The following BIRC7 variants were observed in gnomAD, a reference collection of about 807,000 sequenced individuals.
BIRC7 encodes baculoviral IAP repeat-containing protein 7.
BIRC7 carries 26 observed loss-of-function variants against 33.2 expected under a neutral mutation model. That is an observed-to-expected ratio of 0.78 (90% CI 0.57 to 1.09). BIRC7 has a LOEUF of 1.09. Among genes scored for constraint, BIRC7 ranks in the 50% least tolerant of loss-of-function variants. The probability of loss-of-function intolerance (pLI) is 0.00; values close to 1 mark genes in which losing one functional copy is unlikely to be tolerated. For synonymous variants in BIRC7, 176 were observed against 171.0 expected (o/e 1.03, Z -0.23); for missense variants, 409 against 401.2 (o/e 1.02, Z -0.17).
chr20:63,237,854 C>G, intron 1 of BIRC7, 49 bp from the exon 2 acceptor site: 1 of 1,515,142 alleles, frequency 6.6e-7, no homozygotes, highest in Non-Finnish European at 8.9e-7. Flanking sequence ...ACCGGGGGCC[C>G]GGGGACTGGG....
chr20:63,238,042 G>A (rs1476545830), intron 2 of BIRC7, 40 bp downstream of exon 2: 9 of 1,506,644 alleles, frequency 6.0e-6, no homozygotes, highest in African/African-American at 4.2e-5. Flanking sequence ...CTGATCATGG[G>A]TAGGGGGTGG....
Position 63,239,626 on chromosome 20 carries a change from C to T in BIRC7, c.*5+16C>T. The T allele has an allele frequency of 3.2e-6, 5 of 1,576,890 alleles. No homozygotes were observed. Among genetic ancestry groups the T allele is most frequent in the Non-Finnish European group, 4.3e-6 (5 of 1,166,496 alleles). On this transcript the variant is annotated intron_variant, in intron 6 of 6. Transcript: ENST00000217169. ...CCTAGGCCAGGTGAGCGCCCCAGCA[C>T]CACGCGCAGCCAGCCCTCCTGCGGA...
intron 1 of BIRC7, among the ~76,000 whole-genome samples, chr20:63,237,134 G>C (rs1344200533): frequency 1.3e-5 from 2 of 152,224 alleles, no homozygotes; most frequent in Non-Finnish European, 2.9e-5. Flanking sequence ...TCAGCAGTGG[G>C]CTCTGGCGGG....
intron 2 of BIRC7, 115 bp from the exon 3 acceptor site, chr20:63,238,281 G>T: frequency 7.8e-7 from 1 of 1,281,248 alleles, no homozygotes; most frequent in East Asian, 2.4e-5. Flanking sequence ...CCATGCCCAC[G>T]GGCACTGCAG....
At chr20:63,239,265 G>A (rs1311365472) in intron 5 of BIRC7, 32 bp downstream of exon 5, 3 of 1,610,224 alleles carry the variant, frequency 1.9e-6, no homozygotes, top group Non-Finnish European at 2.5e-6. Flanking sequence ...GGTGAGGGCT[G>A]GGGCAGGGGA....
chr20:63,238,697 C>A, intron 4 of BIRC7, 83 bp downstream of exon 4: 1 of 1,539,652 alleles, frequency 6.5e-7, no homozygotes. Context: ...CCCCACCCTC[C>A]CAGACAGCAG....
At chr20:63,238,508 T>C (rs1223432224) in intron 3 of BIRC7, 31 bp downstream of exon 3, 3 of 1,612,834 alleles carry the variant, frequency 1.9e-6, no homozygotes, top group Non-Finnish European at 2.5e-6. Context: ...GGGCTCCGGG[T>C]GGCAGTGGGG....
In BIRC7 at chr20:63,237,961, C is replaced by T. The variant is rs139260685; in HGVS notation, c.408C>T (p.Arg136=). 44 of 1,608,800 alleles carry T rather than the reference C, an allele frequency of 2.7e-5. No homozygotes were observed. The highest frequency in any genetic ancestry group is 9.9e-5 in the South Asian group (9 of 90,538). ...FCYGGLQSWK[R]GDDPWTEHAK... is the part of the protein sequence containing the mutation. ...ATGGGGGCCTGCAGAGCTGGAAGCGCGGGGACGACCCCTGGACGGAGCATG... is the reference window on the plus strand; with the variant it reads ...ATGGGGGCCTGCAGAGCTGGAAGCGTGGGGACGACCCCTGGACGGAGCATG... The change falls in exon 2 of 7, where the codon CGC becomes CGT. Residue 136 remains arginine (R), a synonymous_variant. Transcript: ENST00000217169.
At chr20:63,239,656 G>A (rs746028949) in intron 6 of BIRC7, 46 bp downstream of exon 6, 2 of 1,543,088 alleles carry the variant, frequency 1.3e-6, no homozygotes, top group South Asian at 1.2e-5. Context: ...TGCGGAGGGG[G>A]CCCTGAGCCG....
chr20:63,238,948 TG>T (rs1333586577), intron 4 of BIRC7: 2 of 640,722 alleles, frequency 3.1e-6, no homozygotes, highest in Non-Finnish European at 5.4e-6. Flanking sequence ...CAGAGGGCAT[TG>T]GACAAGGGAC....
Position 63,239,159 on chromosome 20 carries a change from C to T in BIRC7, c.578-3C>T, listed in dbSNP as rs1454142755. On this transcript the variant is annotated splice_region_variant and splice_polypyrimidine_tract_variant and intron_variant, in intron 4 of 6. Transcript: ENST00000217169. ...GCCTCAAGTCTATCCTAACTGTCCA[C>T]AGTCCCTGCCTCTGGGTACCCTGAG... The T allele has an allele frequency of 6.2e-7, 1 of 1,612,244 alleles. No homozygotes were observed. Among genetic ancestry groups the T allele is most frequent in the Non-Finnish European group, 8.5e-7 (1 of 1,179,774 alleles).
chr20:63,236,036 C>G lies in BIRC7; in HGVS notation c.-61C>G, dbSNP rs2066685595. 1 of 1,467,860 alleles carries G rather than the reference C, an allele frequency of 6.8e-7. No individual in the cohort carries two copies. Among genetic ancestry groups the G allele is most frequent in the Non-Finnish European group, 9.1e-7 (1 of 1,098,426 alleles). 90.9% of individuals were successfully genotyped at this position (1,467,860 alleles called of 1,614,324 possible). Reference sequence around the variant, plus strand: ...TCCAGAAGGGCCAGCTGGGCATATTCTGAGATTGGCCATCAGCCCCCATTT... The same window carrying G: ...TCCAGAAGGGCCAGCTGGGCATATTGTGAGATTGGCCATCAGCCCCCATTT... On this transcript the variant is annotated 5_prime_UTR_variant, in exon 1 of 7. Coordinates refer to ENST00000217169, the MANE Select transcript of BIRC7 (RefSeq NM_139317.3).
At chr20:63,237,470 C>T (rs6122404) in intron 1 of BIRC7, among the ~76,000 whole-genome samples, 3 of 152,132 alleles carry the variant, frequency 2.0e-5, no homozygotes, top group Non-Finnish European at 4.4e-5. Flanking sequence ...GCATGAGTTC[C>T]TAAAAGCAAG....
At chr20:63,236,480 G>A (rs747118580) in intron 1 of BIRC7, 35 bp downstream of exon 1, 165 of 1,502,874 alleles carry the variant, frequency 1.1e-4, no homozygotes, top group Admixed American at 1.8e-4. Context: ...CCTGCCGTGG[G>A]CCTGGGCACG....
intron 1 of BIRC7, among the ~76,000 whole-genome samples, chr20:63,237,508 A>G (rs2066697989): frequency 6.6e-6 from 1 of 152,120 alleles, no homozygotes. Flanking sequence ...CTTCTAGGGC[A>G]GCCTCCCTTC....
intron 6 of BIRC7, 39 bp downstream of exon 6, chr20:63,239,649 G>T (rs183878576): frequency 2.6e-6 from 4 of 1,558,414 alleles, no homozygotes; most frequent in Non-Finnish European, 3.5e-6. Context: ...GCCCTCCTGC[G>T]GAGGGGGCCC....
At position 63,236,004 on chromosome 20, in the gene BIRC7, C is replaced by T. The variant is rs900981905; in HGVS notation, c.-93C>T. 2.2e-5 allele frequency: 31 copies of T among 1,433,226 alleles called. No individual in the cohort carries two copies. Among genetic ancestry groups the T allele is most frequent in the Middle Eastern group, 1.8e-4 (1 of 5,462 alleles). 88.8% of individuals were successfully genotyped at this position (1,433,226 alleles called of 1,614,324 possible). On this transcript the variant is annotated 5_prime_UTR_variant, in exon 1 of 7. Transcript: ENST00000217169. The stretch of plus-strand genomic sequence containing the variant: ...TGTCCCCAGGGTGGGCCCCGGGGGT[C>T]AGGAGCTCCAGAAGGGCCAGCTGGG...
chr20:63,239,400 T>C lies in BIRC7; in HGVS notation c.692T>C (p.Leu231Pro). Reference protein sequence around the residue: ...PAEAQRAWWVLEPPGARDVEA... With the variant: ...PAEAQRAWWVPEPPGARDVEA... ...GAGGCCCAGAGGGCGTGGTGGGTTC[T>C]TGAGCCCCCAGGAGCCAGGGATGTG... Residue 231 changes from leucine (L) to proline (P), a missense_variant, in exon 6 of 7, where the codon CTT becomes CCT. Leu to Pro is a moderately conservative substitution (Grantham distance 98). Coordinates refer to ENST00000217169, the MANE Select transcript of BIRC7 (RefSeq NM_139317.3). 2 of 1,605,070 alleles carry C rather than the reference T, an allele frequency of 1.2e-6. No individual in the cohort carries two copies. Among genetic ancestry groups the C allele is most frequent in the South Asian group, 2.2e-5 (2 of 91,070 alleles).
intron 4 of BIRC7, 160 bp downstream of exon 4, chr20:63,238,774 T>C (rs1480039336): frequency 3.0e-6 from 3 of 995,298 alleles, no homozygotes; most frequent in East Asian, 2.5e-5. Context: ...GGCTGTGCCA[T>C]GTGAGGGTGG....
Sources: allele counts gnomAD v4.1 joint callset (sites outside exome capture counted in the v4.1 genomes callset), GRCh38; gene constraint gnomAD v4.1.1; transcripts MANE v1.5; gene names NCBI Gene and HGNC (gene_info 2026-07-23, HGNC 2026-07-21).